DDX60: variants seen among roughly 807,000 people sequenced by gnomAD.
DDX60 encodes the protein probable ATP-dependent RNA helicase DDX60.
DDX60 carries 165 observed loss-of-function variants against 212.8 expected under a neutral mutation model. That is an observed-to-expected ratio of 0.78 (90% CI 0.68 to 0.88). DDX60 has a LOEUF of 0.88. Among genes scored for constraint, DDX60 ranks in the 40% least tolerant of loss-of-function variants. The pLI is 0.00. For missense variants in DDX60, 1,905 were observed against 2,003.9 expected (o/e 0.95, Z 0.94); for synonymous variants, 703 against 685.3 (o/e 1.03, Z -0.40).
rs1273121892 is a variant in DDX60, at chr4:168,262,773, T to C, written c.3054A>G (p.Gly1018=). The change falls in exon 23 of 38, where the codon GGA becomes GGG. Residue 1018 remains glycine (G), a synonymous_variant. Transcript: ENST00000393743. ...ALTTDHIERY[G]FPPDLTLSPR... ...GTGAAAGGGTAAGATCAGGAGGGAA[T>C]CCATACCTTTCAATCTGTTTAAAAT... The C allele has an allele frequency of 6.2e-7, 1 of 1,603,080 alleles. No homozygotes were observed. The highest frequency in any genetic ancestry group is 2.2e-5 in the East Asian group (1 of 44,478).
At chr4:168,238,255 A>AC (rs1352059573) in intron 30 of DDX60, among the ~76,000 whole-genome samples, 11 of 150,736 alleles carry the variant, frequency 7.3e-5, no homozygotes, top group Non-Finnish European at 1.3e-4. Context: ...AAAAAAAAAA[A>AC]AAAACCCAGC....
upstream of DDX60, among the ~76,000 whole-genome samples, chr4:168,319,156 T>C (rs193109922): frequency 3.2e-4 from 48 of 152,194 alleles, no homozygotes; most frequent in Non-Finnish European, 6.2e-4. Flanking sequence ...AAACGTCACA[T>C]TGTACCCCAA....
chr4:168,273,467 A>T, intron 17 of DDX60, 69 bp from the exon 18 acceptor site: 1 of 1,589,314 alleles, frequency 6.3e-7, no homozygotes. Flanking sequence ...GGACAACAAG[A>T]ACTGTCTAAA....
At chr4:168,260,405 A>C (rs1283029045) in intron 25 of DDX60, among the ~76,000 whole-genome samples, 1 of 152,188 alleles carries the variant, frequency 6.6e-6, no homozygotes, top group Admixed American at 6.6e-5. Context: ...AATGGGTCCC[A>C]GAAATAGTAA....
intron 35 of DDX60, 94 bp downstream of exon 35, chr4:168,224,149 G>A: frequency 1.4e-6 from 2 of 1,393,452 alleles, no homozygotes; most frequent in East Asian, 4.7e-5. Flanking sequence ...TCCTTTTTAA[G>A]CTGGGAAATT....
Position 168,254,152 on chromosome 4 carries a change from AAT to A in DDX60, c.3558-1498_3558-1497del, listed in dbSNP as rs567553757. On this transcript the variant is annotated intron_variant, in intron 26 of 37. Coordinates refer to ENST00000393743, the MANE Select transcript of DDX60 (RefSeq NM_017631.6). Reference sequence around the variant, plus strand: ...TAAATTCTATCCACCTACCTTGACAAATATAGCTCCATAATAACCTGGAATTC... The same window carrying A: ...TAAATTCTATCCACCTACCTTGACAAATAGCTCCATAATAACCTGGAATTC... 8.3e-3 allele frequency among the ~76,000 whole-genome samples: 1,261 copies of A among 152,296 alleles called. 10 individuals are homozygous for A. Among genetic ancestry groups the A allele is most frequent in the African/African-American group, 0.026 (1,072 of 41,546 alleles).
At chr4:168,309,803 A>C (rs983839496) in intron 3 of DDX60, among the ~76,000 whole-genome samples, 9 of 137,332 alleles carry the variant, frequency 6.6e-5, no homozygotes. Flanking sequence ...TTTTTAATGC[A>C]AATGAAATTA....
At chr4:168,227,967 C>T (rs1028145718) in intron 33 of DDX60, among the ~76,000 whole-genome samples, 1 of 152,038 alleles carries the variant, frequency 6.6e-6, no homozygotes, top group Admixed American at 6.6e-5. Context: ...GTATAAATAG[C>T]ATATATAGTC....
At chr4:168,238,236 C>CAAAAA (rs57638327) in intron 30 of DDX60, among the ~76,000 whole-genome samples, 1 of 80,890 alleles carries the variant, frequency 1.2e-5, no homozygotes, top group Non-Finnish European at 2.5e-5. Context: ...TATGAAATTC[C>CAAAAA]AAAAAAAAAA....
intron 1 of DDX60, among the ~76,000 whole-genome samples, 161 bp downstream of exon 1, chr4:168,318,461 T>C (rs947547395): frequency 6.6e-6 from 1 of 152,200 alleles, no homozygotes; most frequent in South Asian, 2.1e-4. Context: ...AGGGGGCCCG[T>C]GCGCCACGGC....
At chr4:168,223,698 A>G (rs72971445) in intron 35 of DDX60, among the ~76,000 whole-genome samples, 3,550 of 152,180 alleles carry the variant, frequency 0.023, 132 homozygotes, top group African/African-American at 0.08. Context: ...TAAGTGATAC[A>G]TGACTATGAT....
intron 37 of DDX60, among the ~76,000 whole-genome samples, 153 bp from the exon 38 acceptor site, chr4:168,217,185 C>A (rs975959403): frequency 3.3e-5 from 5 of 152,044 alleles, no homozygotes; most frequent in African/African-American, 1.2e-4. Context: ...ACATATTTCT[C>A]CTAAAAAATC....
chr4:168,230,222 A>G (rs1733396934), intron 33 of DDX60, among the ~76,000 whole-genome samples: 1 of 152,106 alleles, frequency 6.6e-6, no homozygotes, highest in South Asian at 2.1e-4. Flanking sequence ...TTTATAAAAC[A>G]ATTACTAATA....
In DDX60 at chr4:168,273,945, C is replaced by T. The variant is rs748264005; in HGVS notation, c.2443G>A (p.Ala815Thr). The T allele has an allele frequency of 1.2e-6, 2 of 1,613,348 alleles. No individual in the cohort carries two copies. The highest frequency in any genetic ancestry group is 1.7e-6 in the Non-Finnish European group (2 of 1,179,648). The change falls in exon 17 of 38, where the codon GCA becomes ACA. Residue 815 changes from alanine to threonine, a missense_variant. Physicochemically the swap from Ala to Thr is moderately conservative, Grantham distance 58 (BLOSUM62 0). Coordinates refer to ENST00000393743, the MANE Select transcript of DDX60 (RefSeq NM_017631.6). ...ESDDGVVVYV[A>T]PTKALVNQVA... is the part of the protein sequence containing the mutation. The stretch of plus-strand genomic sequence containing the variant: ...CACTTGAGCACTACCTTTGTGGGTG[C>T]AACGTACACGACCACCCCGTCGTCG...
chr4:168,237,538 A>G (rs1448153070), intron 31 of DDX60, 111 bp from the exon 32 acceptor site: 2 of 1,228,094 alleles, frequency 1.6e-6, no homozygotes, highest in Admixed American at 5.8e-5. Context: ...AATATTTATA[A>G]CTATTACTGG....
intron 14 of DDX60, among the ~76,000 whole-genome samples, chr4:168,277,956 C>G (rs1478273459): frequency 6.6e-6 from 1 of 152,122 alleles, no homozygotes; most frequent in East Asian, 1.9e-4. Flanking sequence ...TCCTTTGTCC[C>G]CCATGTTCAC....
At chr4:168,275,252 C>T in intron 16 of DDX60, 93 bp downstream of exon 16, 1 of 1,143,622 alleles carries the variant, frequency 8.7e-7, no homozygotes. Flanking sequence ...ACATGAACAT[C>T]AAATATAACA....
At chr4:168,303,045 G>A (rs542130834) in intron 5 of DDX60, among the ~76,000 whole-genome samples, 6 of 152,096 alleles carry the variant, frequency 3.9e-5, no homozygotes, top group African/African-American at 1.4e-4. Flanking sequence ...GCTCACACCT[G>A]TAATCCTAGC....
Position 168,288,162 on chromosome 4 carries a change from C to T in DDX60, c.1183+12G>A. Reference sequence around the variant, plus strand: ...TGGATGGAAGTATGATTATAATATACTGAGATGGTACCTTTTACATTTTCA... The same window carrying T: ...TGGATGGAAGTATGATTATAATATATTGAGATGGTACCTTTTACATTTTCA... On this transcript the variant is annotated intron_variant, in intron 9 of 37. Transcript: ENST00000393743. The T allele has an allele frequency of 7.0e-7, 1 of 1,435,844 alleles. No homozygotes were observed. Among genetic ancestry groups the T allele is most frequent in the Non-Finnish European group, 9.4e-7 (1 of 1,059,274 alleles). The allele number at this position is 1,435,844 out of a possible 1,614,324, so 88.9% of individuals were successfully genotyped here.
Sources: gnomAD v4.1 joint callset for allele counts (sites outside exome capture counted in the v4.1 genomes callset) on GRCh38, gnomAD v4.1.1 for gene constraint, MANE v1.5 for transcripts, NCBI Gene and HGNC (gene_info 2026-07-23, HGNC 2026-07-21) for gene names.